PRKCE: variants seen among roughly 807,000 people sequenced by gnomAD.
PRKCE encodes protein kinase C epsilon type.
Under a neutral mutation model 85.4 loss-of-function variants are expected in PRKCE, and 16 were observed. The ratio of observed to expected loss-of-function variants is 0.19; its 90% CI spans 0.13 to 0.28. PRKCE has a LOEUF of 0.28. PRKCE is among the 10% of genes least tolerant of loss of function. The pLI, the probability that PRKCE is intolerant of heterozygous loss-of-function variation, is 1.00. For missense variants in PRKCE, 573 were observed against 975.2 expected (o/e 0.59, Z 5.49); for synonymous variants, 388 against 371.5 (o/e 1.04, Z -0.51).
At chr2:45,930,606 G>A (rs1196210555) in intron 2 of PRKCE, among the ~76,000 whole-genome samples, 1 of 152,234 alleles carries the variant, frequency 6.6e-6, no homozygotes, top group Admixed American at 6.5e-5. Flanking sequence ...CATGGCAGCT[G>A]CAGTTACTCA....
intron 1 of PRKCE, among the ~76,000 whole-genome samples, chr2:45,812,436 C>G (rs77928306): frequency 0.018 from 2,755 of 152,258 alleles, 91 homozygotes; most frequent in African/African-American, 0.063. Flanking sequence ...AAGCCCTGTG[C>G]AGGGGATCCC....
rs139871045 is a variant in PRKCE at position 46,145,587 on chromosome 2, G to C, written c.1731+356G>C. The stretch of plus-strand genomic sequence containing the variant: ...TTTCATGTCTTTAAAATCAGAACAG[G>C]GTGGGCACAGTGACTCACATCTGTA... On this transcript the variant is annotated intron_variant, in intron 12 of 14. Coordinates refer to ENST00000306156, the MANE Select transcript of PRKCE (RefSeq NM_005400.3). The surrounding 1 kb of genome is among the most constrained non-coding windows in gnomAD (Gnocchi z 4.6). Among the ~76,000 whole-genome samples the C allele has an allele frequency of 5.3e-3, 801 of 152,236 alleles. 10 individuals are homozygous for C. Among genetic ancestry groups the C allele is most frequent in the African/African-American group, 0.018 (732 of 41,534 alleles).
chr2:46,113,361 T>A (rs1430114403), intron 11 of PRKCE, among the ~76,000 whole-genome samples: 1 of 152,232 alleles, frequency 6.6e-6, no homozygotes, highest in Non-Finnish European at 1.5e-5. Context: ...GGTTTTTAAA[T>A]CTCTTTCAAT....
At chr2:45,978,771 TC>T in intron 3 of PRKCE, 1 of 518,310 alleles carries the variant, frequency 1.9e-6, no homozygotes. Flanking sequence ...ACCTTGCACC[TC>T]CCCAAGCACT....
chr2:45,673,822 T>G (rs901969716), intron 1 of PRKCE, among the ~76,000 whole-genome samples: 1 of 152,186 alleles, frequency 6.6e-6, no homozygotes, highest in Non-Finnish European at 1.5e-5. Flanking sequence ...CTGTCTTTAG[T>G]GAGTGACATT....
At chr2:45,962,552 G>A (rs1469226571) in intron 2 of PRKCE, among the ~76,000 whole-genome samples, 1 of 152,186 alleles carries the variant, frequency 6.6e-6, no homozygotes, top group Admixed American at 6.5e-5. Flanking sequence ...TAGATATGCA[G>A]CTCAGCATTT....
chr2:46,005,439 T>C (rs1272630554), intron 8 of PRKCE, among the ~76,000 whole-genome samples: 1 of 152,208 alleles, frequency 6.6e-6, no homozygotes, highest in Non-Finnish European at 1.5e-5. Flanking sequence ...TTTTTCTATA[T>C]CCCTTTTTGT....
intron 2 of PRKCE, among the ~76,000 whole-genome samples, chr2:45,963,973 G>A (rs574825798): frequency 5.9e-5 from 9 of 152,304 alleles, no homozygotes; most frequent in South Asian, 2.1e-4. Flanking sequence ...GCCTTGTGAC[G>A]TCGAAGGGTG....
At chr2:45,675,160 C>T (rs1676370087) in intron 1 of PRKCE, 1 of 152,076 alleles carries the variant, frequency 6.6e-6, no homozygotes, top group Non-Finnish European at 1.5e-5. Context: ...GAGAAAAATC[C>T]CCTGTAAGTT....
intron 1 of PRKCE, among the ~76,000 whole-genome samples, chr2:45,805,887 C>T (rs763029475): frequency 4.6e-5 from 7 of 152,232 alleles, no homozygotes; most frequent in Non-Finnish European, 8.8e-5. Flanking sequence ...GCGTGAGCCA[C>T]CGCACCCAGC....
chr2:45,941,626 A>G (rs2104220653), intron 2 of PRKCE, among the ~76,000 whole-genome samples: 1 of 152,338 alleles, frequency 6.6e-6, no homozygotes, highest in South Asian at 2.1e-4. Flanking sequence ...AGATTCAGTC[A>G]GCACAATTCC....
rs1705567421 is a variant in PRKCE, at chr2:46,010,453, G to A, written c.1373G>A (p.Arg458Lys). 1 of 1,599,676 alleles carries A rather than the reference G, an allele frequency of 6.3e-7. No individual in the cohort carries two copies. The highest frequency in any genetic ancestry group is 8.5e-7 in the Non-Finnish European group (1 of 1,179,940). Residue 458 changes from arginine (R) to lysine (K), a missense_variant, in exon 10 of 15, where the codon AGG (arginine) becomes AAG (lysine). Transcript: ENST00000306156. ...GTGGACTGCACAATGACAGAGAAGA[G>A]GATTTTGGCTCTGGCACGGAAACAC... ...DDVDCTMTEK[R>K]ILALARKHPY... is the part of the protein sequence containing the mutation.
intron 1 of PRKCE, among the ~76,000 whole-genome samples, chr2:45,801,922 G>T (rs1558687809): frequency 6.6e-6 from 1 of 151,984 alleles, no homozygotes; most frequent in Non-Finnish European, 1.5e-5. Context: ...ACAAAATGGG[G>T]ATAATAATAC....
intron 1 of PRKCE, among the ~76,000 whole-genome samples, chr2:45,757,258 G>A (rs972453078): frequency 3.9e-5 from 5 of 126,660 alleles, no homozygotes; most frequent in African/African-American, 1.5e-4. Flanking sequence ...AGTGTGTTGA[G>A]ATTGCACCAC....
chr2:45,902,087 A>C (rs893165074), intron 2 of PRKCE, among the ~76,000 whole-genome samples: 1 of 152,132 alleles, frequency 6.6e-6, no homozygotes, highest in African/African-American at 2.4e-5. Flanking sequence ...CCTCATAAAA[A>C]TCTCCAACCC....
intron 6 of PRKCE, among the ~76,000 whole-genome samples, chr2:45,987,614 C>T (rs537988921): frequency 2.2e-4 from 33 of 152,102 alleles, no homozygotes; most frequent in Admixed American, 3.9e-4. Flanking sequence ...CCAGCATCCC[C>T]ACCACAGCAG....
intron 2 of PRKCE, among the ~76,000 whole-genome samples, chr2:45,854,348 T>G (rs1276267474): frequency 1.3e-5 from 2 of 152,136 alleles, no homozygotes; most frequent in South Asian, 2.1e-4. Context: ...CAAAACCCAG[T>G]GTGAAACAGG....
intron 10 of PRKCE, among the ~76,000 whole-genome samples, chr2:46,052,560 G>A (rs1213620529): frequency 6.6e-6 from 1 of 152,178 alleles, no homozygotes; most frequent in Non-Finnish European, 1.5e-5. Flanking sequence ...TATTAAAATG[G>A]CAGTTCTCCC....
intron 5 of PRKCE, among the ~76,000 whole-genome samples, chr2:45,983,570 C>T (rs926486907): frequency 6.6e-6 from 1 of 152,168 alleles, no homozygotes; most frequent in Non-Finnish European, 1.5e-5. Flanking sequence ...TCTTCCACCC[C>T]TGAGGTCTCA....
Sources: gnomAD v4.1 joint callset for allele counts (sites outside exome capture counted in the v4.1 genomes callset) on GRCh38, gnomAD v4.1.1 for gene constraint, Gnocchi (gnomAD v3.1) non-coding constraint, MANE v1.5 for transcripts, NCBI Gene and HGNC (gene_info 2026-07-23, HGNC 2026-07-21) for gene names.